Variants in CAMK1D observed in about 807,000 individuals in gnomAD.
CAMK1D encodes calcium/calmodulin-dependent protein kinase type 1D.
Under a neutral mutation model 47.7 loss-of-function variants are expected in CAMK1D, and 9 were observed. The ratio of observed to expected loss-of-function variants is 0.19; its 90% CI spans 0.11 to 0.33. CAMK1D has a LOEUF of 0.33. Ranked by LOEUF, CAMK1D falls within the 10% of genes least tolerant of loss-of-function variation. CAMK1D has a pLI of 1.00. For missense variants in CAMK1D, 291 were observed against 488.7 expected (o/e 0.60, Z 3.81); for synonymous variants, 184 against 184.9 (o/e 0.99, Z 0.04).
intron 3 of CAMK1D, among the ~76,000 whole-genome samples, chr10:12,671,542 A>T (rs374674236): frequency 1.3e-4 from 20 of 152,042 alleles, no homozygotes; most frequent in Admixed American, 7.2e-4. Context: ...TATTTTCCTG[A>T]TAACTAACGA....
intron 1 of CAMK1D, among the ~76,000 whole-genome samples, chr10:12,512,313 C>T (rs1001130127): frequency 1.3e-5 from 2 of 152,222 alleles, no homozygotes; most frequent in African/African-American, 2.4e-5. Flanking sequence ...GAAGTTAAAG[C>T]AGTAGAAAAC....
At chr10:12,616,617 A>C (rs955274697) in intron 2 of CAMK1D, among the ~76,000 whole-genome samples, 1 of 151,722 alleles carries the variant, frequency 6.6e-6, no homozygotes, top group Non-Finnish European at 1.5e-5. Context: ...TCCCGGGTTC[A>C]CGCCATTCTC....
At chr10:12,371,120 T>C (rs986804714) in intron 1 of CAMK1D, among the ~76,000 whole-genome samples, 24 of 152,102 alleles carry the variant, frequency 1.6e-4, no homozygotes, top group Admixed American at 1.0e-3. Context: ...TAGTATAGCC[T>C]AAGTGTACAA....
At chr10:12,417,299 C>T (rs555346286) in intron 1 of CAMK1D, among the ~76,000 whole-genome samples, 1 of 151,732 alleles carries the variant, frequency 6.6e-6, no homozygotes, top group Non-Finnish European at 1.5e-5. Context: ...AGACAAAGAA[C>T]AGGAGAACTA....
intron 1 of CAMK1D, among the ~76,000 whole-genome samples, chr10:12,370,932 TA>T (rs1837984593): frequency 6.6e-6 from 1 of 151,984 alleles, no homozygotes; most frequent in African/African-American, 2.4e-5. Flanking sequence ...TTAACAAAAT[TA>T]AAAAGTTAAA....
intron 3 of CAMK1D, among the ~76,000 whole-genome samples, chr10:12,730,951 A>G (rs2130811214): frequency 6.6e-6 from 1 of 152,260 alleles, no homozygotes; most frequent in South Asian, 2.1e-4. Context: ...TAAATGTGAG[A>G]ATGAAAGAGT....
At chr10:12,671,775 T>TTCTGTAGA (rs1206712525) in intron 3 of CAMK1D, among the ~76,000 whole-genome samples, 6 of 152,032 alleles carry the variant, frequency 3.9e-5, no homozygotes, top group Non-Finnish European at 8.8e-5. Flanking sequence ...TATTCCCCTA[T>TTCTGTAGA]TCTGTAGATT....
intron 2 of CAMK1D, among the ~76,000 whole-genome samples, chr10:12,645,599 G>A (rs369936606): frequency 1.5e-4 from 23 of 152,260 alleles, no homozygotes; most frequent in Admixed American, 8.5e-4. Context: ...GATGGCTGCC[G>A]GTGACGTCCA....
chr10:12,734,826 C>T (rs1306374816), intron 3 of CAMK1D, among the ~76,000 whole-genome samples: 1 of 152,098 alleles, frequency 6.6e-6, no homozygotes, highest in Non-Finnish European at 1.5e-5. Context: ...GCCTTTCAGG[C>T]CTGCTGTTTG....
At chr10:12,425,416 A>T (rs1212059751) in intron 1 of CAMK1D, among the ~76,000 whole-genome samples, 1 of 151,346 alleles carries the variant, frequency 6.6e-6, no homozygotes, top group Non-Finnish European at 1.5e-5. Context: ...TGAGTAGCTG[A>T]GACTATACAC....
Position 12,791,295 on chromosome 10 carries a change from T to C in CAMK1D, c.641+62T>C, listed in dbSNP as rs1052188417. The C allele has an allele frequency of 5.6e-6, 8 of 1,436,466 alleles. No individual in the cohort carries two copies. The African/African-American group carries it at 5.6e-5, about 10-fold the overall frequency. 89.0% of individuals were successfully genotyped at this position (1,436,466 alleles called of 1,614,324 possible). On this transcript the variant is annotated intron_variant, in intron 6 of 10. Coordinates refer to ENST00000619168, the MANE Select transcript of CAMK1D (RefSeq NM_153498.4). ...CGGCCTTTTTTTGTTTGGTGAAATA[T>C]ACATGAAACAAAATTTACCATTTTT...
At chr10:12,607,505 C>T (rs968327243) in intron 2 of CAMK1D, among the ~76,000 whole-genome samples, 2 of 152,188 alleles carry the variant, frequency 1.3e-5, no homozygotes, top group Admixed American at 6.5e-5. Flanking sequence ...CATCCCTGAG[C>T]GGGTCCCGTG....
At chr10:12,732,674 C>CCCCCTG (rs535511821) in intron 3 of CAMK1D, among the ~76,000 whole-genome samples, 1 of 141,166 alleles carries the variant, frequency 7.1e-6, no homozygotes, top group Non-Finnish European at 1.5e-5. Context: ...ACCCCCGCCC[C>CCCCCTG]CCCCGCCCCC....
intron 3 of CAMK1D, among the ~76,000 whole-genome samples, chr10:12,740,678 G>GAA (rs1348444790): frequency 6.6e-6 from 1 of 152,214 alleles, no homozygotes; most frequent in Non-Finnish European, 1.5e-5. Flanking sequence ...GAGAAGCTGA[G>GAA]AGTTTGAACA....
chr10:12,400,722 T>C (rs1356490527), intron 1 of CAMK1D, among the ~76,000 whole-genome samples: 1 of 152,040 alleles, frequency 6.6e-6, no homozygotes, highest in East Asian at 1.9e-4. Context: ...TTTTCACAGA[T>C]GGAGACTTAC....
chr10:12,504,603 G>A (rs569951333), intron 1 of CAMK1D, among the ~76,000 whole-genome samples: 4 of 152,212 alleles, frequency 2.6e-5, no homozygotes, highest in South Asian at 2.1e-4. Flanking sequence ...ACCTAGAAAC[G>A]ATGCTTTACC....
At chr10:12,547,805 A>C (rs2815633) in intron 1 of CAMK1D, among the ~76,000 whole-genome samples, 22,390 of 152,210 alleles carry the variant, frequency 0.15, 2,036 homozygotes, top group East Asian at 0.29. Context: ...AGTGTCTTCA[A>C]GTGATTTCTA....
chr10:12,423,956 G>A (rs1329619336), intron 1 of CAMK1D, among the ~76,000 whole-genome samples: 2 of 152,120 alleles, frequency 1.3e-5, no homozygotes, highest in African/African-American at 2.4e-5. Context: ...CTTGAGCTGC[G>A]TTGTTCGGTC....
chr10:12,391,463 A>C (rs548715972), intron 1 of CAMK1D, among the ~76,000 whole-genome samples: 16 of 152,228 alleles, frequency 1.1e-4, no homozygotes, highest in Admixed American at 7.9e-4. Context: ...TGCTTTTCAC[A>C]TTCTTAATTC....
Sources: gnomAD v4.1 joint callset for allele counts (sites outside exome capture counted in the v4.1 genomes callset) on GRCh38, gnomAD v4.1.1 for gene constraint, MANE v1.5 for transcripts, NCBI Gene and HGNC (gene_info 2026-07-23, HGNC 2026-07-21) for gene names.